Variants in NDNF observed in about 807,000 individuals in gnomAD.
The protein encoded by NDNF is neuron derived neurotrophic factor, also known as protein NDNF.
Under a neutral mutation model 42.0 loss-of-function variants are expected in NDNF, and 16 were observed. That is an observed-to-expected ratio of 0.38 (90% CI 0.26 to 0.58). The LOEUF (loss-of-function observed/expected upper bound fraction) is 0.58, where lower values mean the gene tolerates loss of function less well. Ranked by LOEUF, NDNF falls within the 20% of genes least tolerant of loss-of-function variation. The probability of loss-of-function intolerance (pLI) is 0.67; values close to 1 mark genes in which losing one functional copy is unlikely to be tolerated. For synonymous variants in NDNF, 248 were observed against 251.7 expected (o/e 0.99, Z 0.14); for missense variants, 616 against 666.2 (o/e 0.92, Z 0.83).
intron 2 of NDNF, among the ~76,000 whole-genome samples, 167 bp downstream of exon 2, chr4:121,045,483 T>G (rs928109179): frequency 6.6e-6 from 1 of 152,190 alleles, no homozygotes; most frequent in Non-Finnish European, 1.5e-5. Context: ...AGCCTCTATT[T>G]CATAATTAGA....
intron 1 of NDNF, among the ~76,000 whole-genome samples, chr4:121,046,825 T>C (rs1279112249): frequency 6.6e-6 from 1 of 152,208 alleles, no homozygotes; most frequent in African/African-American, 2.4e-5. Flanking sequence ...GTCTTGGTGT[T>C]CCCAACAGGA....
At chr4:121,060,560 G>C (rs987658809) in intron 1 of NDNF, among the ~76,000 whole-genome samples, 1 of 152,010 alleles carries the variant, frequency 6.6e-6, no homozygotes, top group South Asian at 2.1e-4. Context: ...TGGACCAGTG[G>C]ACTATTTAGG....
intron 3 of NDNF, chr4:121,039,079 T>A (rs990239804): frequency 6.8e-6 from 1 of 147,552 alleles, no homozygotes; most frequent in Admixed American, 6.8e-5. Context: ...ATTGCGATGT[T>A]TGCCCCTCTT....
Position 121,039,180 on chromosome 4 carries a change from GTGTGTGTGTGTGTATATATA to G in NDNF, c.313+730_313+749del, listed in dbSNP as rs1560603176. The stretch of plus-strand genomic sequence containing the variant: ...ATGTATATATATATATAAAGACTAT[GTGTGTGTGTGTGTATATATA>G]TATATATATATATATATATATATAT... On this transcript the variant is annotated intron_variant, in intron 3 of 3. Coordinates refer to ENST00000379692, the MANE Select transcript of NDNF (RefSeq NM_024574.4). Among the ~76,000 whole-genome samples, 43 of 7,756 alleles carry G rather than the reference GTGTGTGTGTGTGTATATATA, an allele frequency of 5.5e-3. 1 individual carries two copies. Among genetic ancestry groups the G allele is most frequent in the Admixed American group, 0.011 (5 of 438 alleles). 5.1% of individuals were successfully genotyped at this position (7,756 alleles called of 152,430 possible). A position where few individuals can be genotyped will look rare whatever the true frequency, so the allele number is the denominator to read the frequency against.
chr4:121,068,462 G>A (rs533777437), intron 1 of NDNF, among the ~76,000 whole-genome samples: 5 of 152,252 alleles, frequency 3.3e-5, no homozygotes, highest in East Asian at 1.9e-4. Context: ...AATAAATTGT[G>A]TTCTTTAGAA....
chr4:121,045,924 T>C (rs1727084544), intron 1 of NDNF, 86 bp from the exon 2 acceptor site: 1 of 1,271,458 alleles, frequency 7.9e-7, no homozygotes. Context: ...TAACACTATT[T>C]TAGCTTTGAT....
intron 1 of NDNF, among the ~76,000 whole-genome samples, chr4:121,067,393 A>T (rs920494808): frequency 2.6e-5 from 4 of 152,190 alleles, no homozygotes. Flanking sequence ...GTCATGTTCA[A>T]ATTTGTTACA....
At chr4:121,049,346 G>A (rs1912680) in intron 1 of NDNF, among the ~76,000 whole-genome samples, 3 of 152,014 alleles carry the variant, frequency 2.0e-5, no homozygotes, top group Admixed American at 1.3e-4. Context: ...GGCTACCACC[G>A]ATTATAGAAG....
intron 1 of NDNF, among the ~76,000 whole-genome samples, chr4:121,051,901 A>G (rs1238674004): frequency 6.6e-6 from 1 of 152,238 alleles, no homozygotes; most frequent in Admixed American, 6.5e-5. Flanking sequence ...TGGCTATATT[A>G]TCTGAGCAAT....
At chr4:121,037,762 A>G (rs1726904986) in intron 3 of NDNF, 105 bp from the exon 4 acceptor site, 1 of 702,948 alleles carries the variant, frequency 1.4e-6, no homozygotes, top group African/African-American at 1.8e-5. Flanking sequence ...TGAAAATAGT[A>G]CATGTTCATA....
chr4:121,059,026 C>G (rs1727351822), intron 1 of NDNF, among the ~76,000 whole-genome samples: 1 of 152,062 alleles, frequency 6.6e-6, no homozygotes, highest in African/African-American at 2.4e-5. Flanking sequence ...GTGCCTCTAG[C>G]CTGGGCACAG....
chr4:121,047,287 T>A (rs767662771), intron 1 of NDNF, among the ~76,000 whole-genome samples: 1 of 152,240 alleles, frequency 6.6e-6, no homozygotes, highest in Non-Finnish European at 1.5e-5. Flanking sequence ...CTCCAAATAT[T>A]CTTTGCTGTT....
At chr4:121,039,150 T>TATACATATAAAG (rs1726935449) in intron 3 of NDNF, among the ~76,000 whole-genome samples, 1 of 41,188 alleles carries the variant, frequency 2.4e-5, no homozygotes, top group Admixed American at 4.6e-4. Context: ...TATGTGTATA[T>TATACATATAAAG]ATATATGTAT....
At position 121,036,519 on chromosome 4, in the gene NDNF, T is replaced by C. The variant is rs1008241793; in HGVS notation, c.1452A>G (p.Glu484=). The change falls in exon 4 of 4, where the codon GAA becomes GAG. Residue 484 remains glutamate, a synonymous_variant. Coordinates refer to ENST00000379692, the MANE Select transcript of NDNF (RefSeq NM_024574.4). ...ERNKFCIYKK[E]VDDNYNEDQK... is the part of the protein sequence containing the mutation. The stretch of plus-strand genomic sequence containing the variant: ...GGTCTTCATTGTAGTTATCATCCAC[T>C]TCTTTTTTGTAGATGCAAAACTTGT... 1.2e-6 allele frequency: 2 copies of C among 1,614,082 alleles called. No homozygotes were observed. The highest frequency in any genetic ancestry group is 2.2e-5 in the East Asian group (1 of 44,894).
chr4:121,070,703 T>TA (rs1365784183), intron 1 of NDNF, among the ~76,000 whole-genome samples: 1 of 152,224 alleles, frequency 6.6e-6, no homozygotes, highest in Admixed American at 6.5e-5. Context: ...ACAAAGTTGC[T>TA]AAAAAGAACT....
In NDNF at chr4:121,036,868, A is replaced by T; in HGVS notation, c.1103T>A (p.Val368Asp). Residue 368 changes from valine (V) to aspartate (D), a missense_variant, in exon 4 of 4, where the codon GTC becomes GAC. Val to Asp is a radical substitution (Grantham distance 152, BLOSUM62 -3). Transcript: ENST00000379692. ...GAAGGTGACTTTTTGGTGAGAAGAG[A>T]CTGGAGCAAACCGTAGAAACTTTGC... Reference protein sequence around the residue: ...KGAKFLRFAPVSSHQKVTFFI... With the variant: ...KGAKFLRFAPDSSHQKVTFFI... The T allele has an allele frequency of 6.2e-7, 1 of 1,614,060 alleles. No individual in the cohort carries two copies.
chr4:121,044,549 C>G (rs182322117), intron 2 of NDNF, among the ~76,000 whole-genome samples: 1 of 151,122 alleles, frequency 6.6e-6, no homozygotes, highest in South Asian at 2.1e-4. Flanking sequence ...TATTTAGAAA[C>G]TTTATGTGAG....
At chr4:121,055,985 A>G (rs1405821614) in intron 1 of NDNF, among the ~76,000 whole-genome samples, 1 of 152,222 alleles carries the variant, frequency 6.6e-6, no homozygotes, top group African/African-American at 2.4e-5. Context: ...AAACAGAATT[A>G]AGAAAGACAG....
intron 1 of NDNF, among the ~76,000 whole-genome samples, chr4:121,051,314 A>T (rs921550631): frequency 3.3e-5 from 5 of 152,146 alleles, no homozygotes; most frequent in Admixed American, 6.6e-5. Context: ...AGGAGTAGGG[A>T]GTGGAGCACA....
Sources: gnomAD v4.1 joint callset for allele counts (sites outside exome capture counted in the v4.1 genomes callset) on GRCh38, gnomAD v4.1.1 for gene constraint, MANE v1.5 for transcripts, NCBI Gene and HGNC (gene_info 2026-07-23, HGNC 2026-07-21) for gene names.